The following FARP1 variants were observed in gnomAD, a reference collection of about 807,000 sequenced individuals.
FARP1 encodes the protein FERM, ARH/RhoGEF and pleckstrin domain protein 1.
FARP1 carries 52 observed loss-of-function variants against 128.8 expected under a neutral mutation model. The observed-to-expected ratio is 0.40, with a 90% CI of 0.32 to 0.51. The LOEUF is 0.51. Ranked by LOEUF, FARP1 falls within the 20% of genes least tolerant of loss-of-function variation. FARP1 has a pLI of 0.45. For synonymous variants in FARP1, 580 were observed against 551.8 expected (o/e 1.05, Z -0.72); for missense variants, 1,333 against 1,367.9 (o/e 0.97, Z 0.40).
At position 98,431,259 on chromosome 13, in the gene FARP1, G is replaced by A. The variant is rs376434946; in HGVS notation, c.2122G>A (p.Ala708Thr). ...GTGCAAACACCACCCGCCGAGCCACGCCGACTTCAGGGACTGCCGAGGTGA... is the reference window on the plus strand; with the variant it reads ...GTGCAAACACCACCCGCCGAGCCACACCGACTTCAGGGACTGCCGAGGTGA... ...RLCKHHPPSH[A>T]DFRDCRAALA... The change falls in exon 18 of 27, where the codon GCC (alanine) becomes ACC (threonine). Residue 708 changes from alanine (A) to threonine (T), a missense_variant. Transcript: ENST00000319562. The A allele has an allele frequency of 7.5e-6, 12 of 1,590,258 alleles. No homozygotes were observed. Among genetic ancestry groups the A allele is most frequent in the South Asian group, 1.1e-5 (1 of 87,816 alleles).
intron 2 of FARP1, among the ~76,000 whole-genome samples, chr13:98,218,901 A>T (rs1881256911): frequency 6.6e-6 from 1 of 152,236 alleles, no homozygotes. Context: ...GAGAAAAGTA[A>T]TGAGTTTGTA....
intron 2 of FARP1, among the ~76,000 whole-genome samples, chr13:98,304,820 A>G (rs1360492995): frequency 6.6e-6 from 1 of 152,242 alleles, no homozygotes; most frequent in Non-Finnish European, 1.5e-5. Context: ...AAATTCATGC[A>G]TAGAAAATTA....
intron 2 of FARP1, among the ~76,000 whole-genome samples, chr13:98,298,044 C>T (rs1207787783): frequency 2.6e-5 from 4 of 152,124 alleles, no homozygotes; most frequent in Non-Finnish European, 5.9e-5. Context: ...AGCAGAATGC[C>T]GAGAAACAGG....
chr13:98,255,374 G>A (rs1353285905), intron 2 of FARP1, among the ~76,000 whole-genome samples: 4 of 152,092 alleles, frequency 2.6e-5, no homozygotes, highest in Admixed American at 2.0e-4. Context: ...GGTGGCAGGC[G>A]CCTGTAGTCC....
At chr13:98,150,804 CAA>C (rs921538060) in intron 1 of FARP1, among the ~76,000 whole-genome samples, 2 of 151,820 alleles carry the variant, frequency 1.3e-5, no homozygotes, top group African/African-American at 4.8e-5. Flanking sequence ...AAAATATAAG[CAA>C]AAAAGTGTTT....
chr13:98,347,996 A>C (rs1369341647), intron 3 of FARP1, among the ~76,000 whole-genome samples: 3 of 152,182 alleles, frequency 2.0e-5, no homozygotes, highest in African/African-American at 7.2e-5. Flanking sequence ...CTTTCTTCTC[A>C]TCATTTCTGT....
Position 98,410,730 on chromosome 13 carries a change from G to A in FARP1, c.1603-4G>A, listed in dbSNP as rs1891158256. On this transcript the variant is annotated splice_polypyrimidine_tract_variant and splice_region_variant and intron_variant, in intron 14 of 26. Transcript: ENST00000319562. ...CGCTTTGTTTCTTTTGCTGGGTTTT[G>A]CAGAGATTCCCAACTGATAAAGCGT... 1.3e-6 allele frequency: 2 copies of A among 1,560,410 alleles called. No individual in the cohort carries two copies. Among genetic ancestry groups the A allele is most frequent in the Non-Finnish European group, 1.8e-6 (2 of 1,135,506 alleles).
chr13:98,340,057 A>G (rs886907675), intron 2 of FARP1, among the ~76,000 whole-genome samples: 6 of 152,008 alleles, frequency 3.9e-5, no homozygotes, highest in African/African-American at 9.7e-5. Context: ...CACCATGTCC[A>G]TAAAGACATC....
intron 21 of FARP1, 122 bp from the exon 22 acceptor site, chr13:98,439,839 C>G: frequency 1.4e-6 from 1 of 692,970 alleles, no homozygotes; most frequent in Non-Finnish European, 2.5e-6. Context: ...CTGTGGGGCT[C>G]TGGGTCTCCT....
intron 2 of FARP1, among the ~76,000 whole-genome samples, chr13:98,265,591 T>C (rs1226607522): frequency 2.0e-5 from 3 of 151,922 alleles, no homozygotes; most frequent in Non-Finnish European, 4.4e-5. Flanking sequence ...AGTGCTGGGA[T>C]TACAGGCGTG....
chr13:98,395,917 G>T, intron 13 of FARP1: 3 of 399,518 alleles, frequency 7.5e-6, no homozygotes, highest in Non-Finnish European at 1.3e-5. Context: ...GGACAGAACT[G>T]GGTCTCAAGG....
intron 2 of FARP1, chr13:98,328,904 T>A (rs1013167671): frequency 4.6e-5 from 7 of 152,190 alleles, no homozygotes; most frequent in Non-Finnish European, 8.8e-5. Flanking sequence ...TAGGGATTAT[T>A]TCTGAAATTT....
chr13:98,158,834 G>A (rs1876669494), intron 1 of FARP1, among the ~76,000 whole-genome samples: 1 of 152,110 alleles, frequency 6.6e-6, no homozygotes, highest in South Asian at 2.1e-4. Context: ...AGGTGGTTGT[G>A]TCTTCCGTCT....
At chr13:98,222,073 A>T (rs1311453863) in intron 2 of FARP1, among the ~76,000 whole-genome samples, 1 of 152,238 alleles carries the variant, frequency 6.6e-6, no homozygotes, top group African/African-American at 2.4e-5. Flanking sequence ...AGATAGAATG[A>T]TCATGTAAAA....
chr13:98,149,355 T>TC lies in FARP1; in HGVS notation c.-24+5867dup, dbSNP rs544081251. 2.0e-4 allele frequency among the ~76,000 whole-genome samples: 30 copies of TC among 152,226 alleles called. 1 individual carries two copies. The South Asian group carries it at 6.2e-3, about 32-fold the overall frequency. ...GATATGCTATGACTTGCGTATCCAC[T>TC]CCCCTTTGGCCATTCAAGTTGTTTT... On this transcript the variant is annotated intron_variant, in intron 1 of 26. Coordinates refer to ENST00000319562, the MANE Select transcript of FARP1 (RefSeq NM_005766.4).
chr13:98,280,810 T>C (rs886297314), intron 2 of FARP1, among the ~76,000 whole-genome samples: 1 of 152,340 alleles, frequency 6.6e-6, no homozygotes, highest in South Asian at 2.1e-4. Flanking sequence ...ATTCTTTCTC[T>C]GGATGTTATT....
Position 98,386,187 on chromosome 13 carries a change from C to CTTT in FARP1, c.759+392_759+394dup, listed in dbSNP as rs138218092. 5.0e-3 allele frequency among the ~76,000 whole-genome samples: 467 copies of CTTT among 92,976 alleles called. 6 individuals carry two copies. Among genetic ancestry groups the CTTT allele is most frequent in the African/African-American group, 0.019 (437 of 22,440 alleles). 61.0% of individuals were successfully genotyped at this position (92,976 alleles called of 152,430 possible). On this transcript the variant is annotated intron_variant, in intron 8 of 26. Transcript: ENST00000319562. The stretch of plus-strand genomic sequence containing the variant: ...GATGATACTTTGCTGTAATGTGATC[C>CTTT]TTTTTTTTTTTTTTTTTTTTTCAAA...
At chr13:98,187,073 T>C (rs894432029) in intron 1 of FARP1, among the ~76,000 whole-genome samples, 14 of 151,950 alleles carry the variant, frequency 9.2e-5, no homozygotes, top group Admixed American at 8.5e-4. Context: ...TCCATTTCTT[T>C]TGAGTTTATA....
At chr13:98,155,458 C>G (rs909216761) in intron 1 of FARP1, among the ~76,000 whole-genome samples, 1 of 151,828 alleles carries the variant, frequency 6.6e-6, no homozygotes, top group African/African-American at 2.4e-5. Context: ...TGGCTAGCTT[C>G]TCCCAGAGTG....
Sources: gnomAD v4.1 joint callset for allele counts (sites outside exome capture counted in the v4.1 genomes callset) on GRCh38, gnomAD v4.1.1 for gene constraint, MANE v1.5 for transcripts, NCBI Gene and HGNC (gene_info 2026-07-23, HGNC 2026-07-21) for gene names.